DNAH3: variants seen among roughly 807,000 people sequenced by gnomAD.
The protein encoded by DNAH3 is axonemal beta dynein heavy chain 3.
In DNAH3, 332 loss-of-function variants were observed where a neutral mutation model predicts 432.5. That is an observed-to-expected ratio of 0.77 (90% CI 0.70 to 0.84). DNAH3 has a LOEUF of 0.84. Ranked by LOEUF, DNAH3 falls within the 40% of genes least tolerant of loss-of-function variation. The pLI is 0.00. For missense variants in DNAH3, 4,861 were observed against 5,114.0 expected (o/e 0.95, Z 1.51); for synonymous variants, 1,956 against 1,900.2 (o/e 1.03, Z -0.76).
At chr16:21,118,041 G>A (rs1054965738) in intron 11 of DNAH3, among the ~76,000 whole-genome samples, 1 of 152,092 alleles carries the variant, frequency 6.6e-6, no homozygotes, top group African/African-American at 2.4e-5. Context: ...AGGCTGGAGT[G>A]CAGTGGCACG....
chr16:20,980,307 ATTATATAT>A (rs1283581718), intron 49 of DNAH3, among the ~76,000 whole-genome samples: 5 of 140,668 alleles, frequency 3.6e-5, no homozygotes, highest in African/African-American at 1.3e-4. Context: ...CATATATTAT[ATTATATAT>A]TATAATATAT....
At chr16:21,100,634 T>C (rs1220469601) in intron 16 of DNAH3, among the ~76,000 whole-genome samples, 1 of 152,240 alleles carries the variant, frequency 6.6e-6, no homozygotes, top group Non-Finnish European at 1.5e-5. Context: ...TGCCCTTTTA[T>C]GGCAGAGAGC....
At chr16:21,079,468 CA>C (rs2091100052) in intron 20 of DNAH3, among the ~76,000 whole-genome samples, 1 of 151,906 alleles carries the variant, frequency 6.6e-6, no homozygotes, top group South Asian at 2.1e-4. Flanking sequence ...TACAAAAATA[CA>C]AAAATTAGCC....
At chr16:21,090,449 T>C (rs903524076) in intron 18 of DNAH3, among the ~76,000 whole-genome samples, 2 of 151,520 alleles carry the variant, frequency 1.3e-5, no homozygotes, top group Non-Finnish European at 2.9e-5. Flanking sequence ...GCATGGAAAC[T>C]GAATCCAGCA....
chr16:21,070,786 AGCATTTGAATGTCATCAATT>A lies in DNAH3; in HGVS notation c.3105_3124del (p.Ile1036ThrfsTer2). 1 of 1,613,250 alleles carries A rather than the reference AGCATTTGAATGTCATCAATT, an allele frequency of 6.2e-7. No individual in the cohort carries two copies. The highest frequency in any genetic ancestry group is 1.1e-5 in the South Asian group (1 of 91,058). ...GGTCTTTATCACGTGATCATCAAGT[AGCATTTGAATGTCATCAATT>A]GCACACAAGATGTTTGTATCCTGTA... On this transcript the variant is annotated frameshift_variant, in exon 22 of 62. Coordinates refer to ENST00000261383, the Ensembl canonical transcript of DNAH3. LOFTEE classifies it high-confidence loss of function.
chr16:20,990,446 A>T (rs2152680316), intron 44 of DNAH3, among the ~76,000 whole-genome samples: 1 of 152,316 alleles, frequency 6.6e-6, no homozygotes, highest in East Asian at 1.9e-4. Flanking sequence ...CAATTATTCA[A>T]TGATTTTTAA....
chr16:20,969,912 C>G, exon 52 of DNAH3: 1 of 1,614,142 alleles, frequency 6.2e-7, no homozygotes, highest in Non-Finnish European at 8.5e-7. Context: ...GAGATGTCGG[C>G]CGGGTTCAGG....
chr16:21,006,506 A>G (rs1190462567), intron 41 of DNAH3, among the ~76,000 whole-genome samples: 4 of 152,136 alleles, frequency 2.6e-5, no homozygotes, highest in Non-Finnish European at 5.9e-5. Context: ...TTTTCATTAC[A>G]TTGGATAGAA....
At chr16:20,946,819 CTTTTT>C (rs71149199) in intron 57 of DNAH3, among the ~76,000 whole-genome samples, 2 of 70,864 alleles carry the variant, frequency 2.8e-5, no homozygotes, top group East Asian at 4.7e-4. Flanking sequence ...ATTGTGAGTC[CTTTTT>C]TTTTTTTTTT....
intron 44 of DNAH3, among the ~76,000 whole-genome samples, chr16:20,994,934 G>A (rs958926853): frequency 1.3e-5 from 2 of 151,332 alleles, no homozygotes; most frequent in Non-Finnish European, 2.9e-5. Context: ...CCTAGTTTTT[G>A]GTTTCATTTT....
intron 18 of DNAH3, among the ~76,000 whole-genome samples, chr16:21,096,290 C>G (rs568253953): frequency 9.2e-5 from 14 of 152,114 alleles, no homozygotes; most frequent in Non-Finnish European, 1.6e-4. Flanking sequence ...CACCATCACA[C>G]TTGGCTGATT....
At chr16:21,097,982 A>G (rs1255188864) in intron 17 of DNAH3, among the ~76,000 whole-genome samples, 2 of 152,236 alleles carry the variant, frequency 1.3e-5, no homozygotes, top group Admixed American at 1.3e-4. Flanking sequence ...GATGTGTTAC[A>G]GGCATTAAGT....
chr16:21,107,618 T>C (rs2091978048), intron 14 of DNAH3, among the ~76,000 whole-genome samples: 3 of 152,236 alleles, frequency 2.0e-5, no homozygotes, highest in Non-Finnish European at 4.4e-5. Flanking sequence ...GAGAAAATGT[T>C]CCATTACTGG....
exon 42 of DNAH3, chr16:21,003,112 C>A (rs551695555): frequency 1.2e-6 from 2 of 1,605,644 alleles, no homozygotes; most frequent in South Asian, 2.2e-5. Context: ...ACCTTTGCAC[C>A]AGCTGGAACT....
chr16:20,999,083 C>T (rs536898826), intron 43 of DNAH3, among the ~76,000 whole-genome samples: 6 of 152,182 alleles, frequency 3.9e-5, no homozygotes, highest in South Asian at 4.2e-4. Context: ...GCAAGACCCC[C>T]GTCTCTACAA....
intron 14 of DNAH3, 116 bp downstream of exon 14, chr16:21,111,510 A>T (rs2092070964): frequency 9.2e-7 from 1 of 1,085,540 alleles, no homozygotes; most frequent in South Asian, 1.6e-5. Context: ...AGGGGCAGAA[A>T]AAACTTGATC....
intron 1 of DNAH3, among the ~76,000 whole-genome samples, chr16:21,157,048 C>G (rs1343356233): frequency 1.3e-5 from 2 of 150,356 alleles, no homozygotes; most frequent in African/African-American, 2.5e-5. Context: ...GTGGGGAACC[C>G]AGCATTTTGC....
intron 26 of DNAH3, among the ~76,000 whole-genome samples, chr16:21,060,004 T>G (rs942132236): frequency 1.3e-5 from 2 of 152,186 alleles, no homozygotes; most frequent in African/African-American, 2.4e-5. Context: ...TAATCCCATT[T>G]GACAAAAAGG....
rs576432568 is a variant in DNAH3, at chr16:21,103,356, G to T, written c.2366+1115C>A. Among the ~76,000 whole-genome samples, 753 of 148,748 alleles carry T rather than the reference G, an allele frequency of 5.1e-3. 3 individuals are homozygous for T. Among genetic ancestry groups the T allele is most frequent in the South Asian group, 8.0e-3 (37 of 4,652 alleles). On this transcript the variant is annotated intron_variant, in intron 16 of 61. Transcript: ENST00000261383. ...AAAGGGTGTAGAGGGTGTGTGTGTGGGGGGGGGCAGGGTGGGGGAGTTGGG... is the reference window on the plus strand; with the variant it reads ...AAAGGGTGTAGAGGGTGTGTGTGTGTGGGGGGGCAGGGTGGGGGAGTTGGG...
Sources: allele counts gnomAD v4.1 joint callset (sites outside exome capture counted in the v4.1 genomes callset), GRCh38; gene constraint gnomAD v4.1.1; transcripts MANE v1.5; gene names NCBI Gene and HGNC (gene_info 2026-07-23, HGNC 2026-07-21).